The following MALRD1 variants were observed in gnomAD, a reference collection of about 807,000 sequenced individuals.
MALRD1 encodes the protein MAM and LDL-receptor class A domain-containing protein 1.
Under a neutral mutation model 242.1 loss-of-function variants are expected in MALRD1, and 247 were observed. The observed-to-expected ratio is 1.02, with a 90% CI of 0.92 to 1.13. The LOEUF (loss-of-function observed/expected upper bound fraction) is 1.13, where lower values mean the gene tolerates loss of function less well. MALRD1 is among the 50% of genes most tolerant of loss of function. MALRD1 has a pLI of 0.00. For missense variants in MALRD1, 2,989 were observed against 2,533.1 expected, an observed-to-expected ratio of 1.18 and a Z score of -3.86; for synonymous variants, 995 against 866.6, an observed-to-expected ratio of 1.15 and a Z score of -2.60.
At chr10:19,326,090 T>C (rs551430925) in intron 22 of MALRD1, among the ~76,000 whole-genome samples, 35 of 152,274 alleles carry the variant, frequency 2.3e-4, no homozygotes, top group South Asian at 1.7e-3. Context: ...AAAGTATATT[T>C]GTGTGTATAC....
chr10:19,478,600 A>G (rs920250466), intron 29 of MALRD1, among the ~76,000 whole-genome samples: 3 of 151,432 alleles, frequency 2.0e-5, no homozygotes, highest in African/African-American at 7.4e-5. Flanking sequence ...TTTCCTTGCA[A>G]TTTTATATCT....
intron 32 of MALRD1, among the ~76,000 whole-genome samples, chr10:19,563,481 A>T (rs1300561927): frequency 4.6e-5 from 7 of 152,164 alleles, no homozygotes; most frequent in Non-Finnish European, 7.4e-5. Context: ...CCCCTTTTAG[A>T]ACAGCTGAGT....
intron 28 of MALRD1, among the ~76,000 whole-genome samples, chr10:19,390,119 T>C (rs535983530): frequency 5.5e-4 from 84 of 152,334 alleles, no homozygotes; most frequent in Non-Finnish European, 9.4e-4. Context: ...ATCCTGTGAT[T>C]ATGACTGAAT....
chr10:19,615,832 G>A, intron 35 of MALRD1, 25 bp from the exon 36 acceptor site: 1 of 1,479,354 alleles, frequency 6.8e-7, no homozygotes, highest in Non-Finnish European at 9.1e-7. Flanking sequence ...TAATTAACTG[G>A]TGTCTTTGTG....
intron 26 of MALRD1, among the ~76,000 whole-genome samples, chr10:19,377,747 G>A (rs540831955): frequency 1.3e-5 from 2 of 152,030 alleles, no homozygotes; most frequent in South Asian, 4.1e-4. Flanking sequence ...AAAACGAGGT[G>A]ATTTCAGGAA....
At chr10:19,644,148 A>G (rs1236524684) in intron 36 of MALRD1, among the ~76,000 whole-genome samples, 2 of 152,078 alleles carry the variant, frequency 1.3e-5, no homozygotes, top group Non-Finnish European at 2.9e-5. Context: ...CTCCTTAAAA[A>G]CCCAACTTGA....
intron 36 of MALRD1, among the ~76,000 whole-genome samples, chr10:19,680,131 A>G (rs886184541): frequency 1.3e-5 from 2 of 152,202 alleles, no homozygotes; most frequent in African/African-American, 4.8e-5. Flanking sequence ...TGCAGCGTAC[A>G]GTTCTACAGA....
At chr10:19,192,976 T>C (rs1836060851) in intron 14 of MALRD1, among the ~76,000 whole-genome samples, 1 of 152,226 alleles carries the variant, frequency 6.6e-6, no homozygotes, top group African/African-American at 2.4e-5. Flanking sequence ...GCACAGATTT[T>C]TGGCAGTTTG....
At chr10:19,075,764 TG>T (rs1380815707) in intron 2 of MALRD1, among the ~76,000 whole-genome samples, 16 of 152,110 alleles carry the variant, frequency 1.1e-4, no homozygotes, top group Non-Finnish European at 5.9e-5. Flanking sequence ...CACACCGTGC[TG>T]GGACTTCTGA....
chr10:19,584,609 T>A (rs1299775318), intron 33 of MALRD1, among the ~76,000 whole-genome samples: 1 of 152,086 alleles, frequency 6.6e-6, no homozygotes, highest in East Asian at 1.9e-4. Flanking sequence ...ATAATTTCTG[T>A]TCTTTTACAT....
At chr10:19,274,107 G>A (rs559719882) in intron 19 of MALRD1, among the ~76,000 whole-genome samples, 3 of 152,286 alleles carry the variant, frequency 2.0e-5, no homozygotes, top group Admixed American at 6.5e-5. Flanking sequence ...ATCCTATGAT[G>A]TAGCAATGCT....
chr10:19,625,196 G>C (rs573461700), intron 36 of MALRD1, among the ~76,000 whole-genome samples: 2 of 152,226 alleles, frequency 1.3e-5, no homozygotes, highest in African/African-American at 4.8e-5. Flanking sequence ...TGTGGATGTT[G>C]CCTCTTTGAA....
At chr10:19,562,171 C>A (rs1835997246) in intron 32 of MALRD1, among the ~76,000 whole-genome samples, 1 of 152,096 alleles carries the variant, frequency 6.6e-6, no homozygotes, top group Non-Finnish European at 1.5e-5. Context: ...TGGCGGGTGC[C>A]TGTAATCCCA....
chr10:19,081,707 C>T (rs549074158), intron 2 of MALRD1, among the ~76,000 whole-genome samples: 14 of 152,042 alleles, frequency 9.2e-5, no homozygotes, highest in East Asian at 1.9e-4. Context: ...AGCAAACCAC[C>T]GTGGCACACG....
chr10:19,220,464 G>A (rs10508579), intron 18 of MALRD1, among the ~76,000 whole-genome samples: 9,668 of 152,150 alleles, frequency 0.064, 354 homozygotes, highest in East Asian at 0.12. Context: ...TTACATGAAC[G>A]TCCAGGTATA....
chr10:19,264,167 T>G (rs1003483973), intron 19 of MALRD1, among the ~76,000 whole-genome samples: 3 of 152,178 alleles, frequency 2.0e-5, no homozygotes, highest in Non-Finnish European at 2.9e-5. Flanking sequence ...GTCAAATGCC[T>G]TTTCTACATT....
chr10:19,285,571 G>T (rs991767005), intron 21 of MALRD1, among the ~76,000 whole-genome samples: 1 of 151,502 alleles, frequency 6.6e-6, no homozygotes, highest in African/African-American at 2.4e-5. Flanking sequence ...GTAGATATGC[G>T]GCGTTATTTC....
chr10:19,231,937 C>A (rs1838098487), intron 18 of MALRD1, among the ~76,000 whole-genome samples: 1 of 151,878 alleles, frequency 6.6e-6, no homozygotes, highest in African/African-American at 2.4e-5. Context: ...ATATTTTATA[C>A]ATGTCAGGTA....
chr10:19,612,596 T>A (rs931281314), intron 35 of MALRD1, among the ~76,000 whole-genome samples: 8 of 151,778 alleles, frequency 5.3e-5, no homozygotes, highest in Non-Finnish European at 1.2e-4. Context: ...TATAAAGACA[T>A]ACCTGAGACT....
Sources: gnomAD v4.1 joint callset for allele counts (sites outside exome capture counted in the v4.1 genomes callset) on GRCh38, gnomAD v4.1.1 for gene constraint, MANE v1.5 for transcripts, NCBI Gene and HGNC (gene_info 2026-07-23, HGNC 2026-07-21) for gene names.